The following MRPL44 variants were observed in gnomAD, a reference collection of about 807,000 sequenced individuals.
MRPL44 encodes the protein mitochondrial ribosomal protein L44.
MRPL44 carries 21 observed loss-of-function variants against 25.9 expected under a neutral mutation model. The observed-to-expected ratio is 0.81, with a 90% CI of 0.58 to 1.17. The LOEUF (loss-of-function observed/expected upper bound fraction) is 1.17. Among genes scored for constraint, MRPL44 ranks in the 50% most tolerant of loss-of-function variants. The pLI is 0.00. For missense variants in MRPL44, 410 were observed against 398.9 expected (o/e 1.03, Z -0.24); for synonymous variants, 169 against 151.0 (o/e 1.12, Z -0.87).
Position 223,962,207 on chromosome 2 carries a change from C to G in MRPL44, c.649-1549C>G, listed in dbSNP as rs117260917. Among the ~76,000 whole-genome samples the G allele has an allele frequency of 2.6e-3, 397 of 152,200 alleles. 11 individuals are homozygous for G. The East Asian group carries it at 0.044, about 17-fold the overall frequency. On this transcript the variant is annotated intron_variant, in intron 2 of 3. Transcript: ENST00000258383. ...GTCACTATGCCCAGCTAAATTTTTT[C>G]TGTAGAGCCGTGGTCTCATTATGGT...
chr2:223,961,010 T>C (rs867320545), intron 2 of MRPL44, among the ~76,000 whole-genome samples: 4 of 152,248 alleles, frequency 2.6e-5, no homozygotes, highest in African/African-American at 7.2e-5. Flanking sequence ...ATGTCTCTTA[T>C]AGTAGAATTG....
Position 223,963,855 on chromosome 2 carries a change from G to C in MRPL44, c.748G>C (p.Val250Leu), listed in dbSNP as rs569652787. The change falls in exon 3 of 4, where the codon GTT becomes CTT. Residue 250 changes from valine to leucine, a missense_variant. By Grantham distance (32) the Val-to-Leu change is conservative. Transcript: ENST00000258383. The stretch of plus-strand genomic sequence containing the variant: ...GGTAGAAGAACTGAAGAAAAGGAAT[G>C]TTTCAGCTCCTGAATCAAGACTTAC... The part of the protein sequence containing the change: ...LLVEELKKRN[V>L]SAPESRLTRQ... 6.8e-6 allele frequency: 11 copies of C among 1,613,914 alleles called. No homozygotes were observed. In the South Asian group the frequency reaches 1.2e-4, roughly 18 times the overall value.
intron 3 of MRPL44, among the ~76,000 whole-genome samples, chr2:223,964,514 G>A (rs1438465686): frequency 3.3e-5 from 5 of 152,106 alleles, no homozygotes; most frequent in East Asian, 1.9e-4. Flanking sequence ...CTTGTATCAC[G>A]AAAGACTTTA....
chr2:223,961,174 G>A (rs1293216713), intron 2 of MRPL44, among the ~76,000 whole-genome samples: 1 of 152,236 alleles, frequency 6.6e-6, no homozygotes, highest in African/African-American at 2.4e-5. Flanking sequence ...ATGTGGAAGT[G>A]CTTTCCTAGA....
chr2:223,957,492 G>C lies in MRPL44; in HGVS notation c.20G>C (p.Arg7Thr), dbSNP rs1689584219. The C allele has an allele frequency of 6.2e-7, 1 of 1,614,062 alleles. No individual in the cohort carries two copies. The highest frequency in any genetic ancestry group is 1.3e-5 in the African/African-American group (1 of 74,956). The change falls in exon 1 of 4, where the codon AGA becomes ACA. Residue 7 changes from arginine to threonine, a missense_variant. Arg to Thr is a moderately conservative substitution (Grantham distance 71). Coordinates refer to ENST00000258383, the MANE Select transcript of MRPL44 (RefSeq NM_022915.5). ...CGTGCAATGGCGTCCGGGCTGGTAAGATTGCTGCAGCAGGGACATCGCTGC... is the reference window on the plus strand; with the variant it reads ...CGTGCAATGGCGTCCGGGCTGGTAACATTGCTGCAGCAGGGACATCGCTGC... MASGLV[R>T]LLQQGHRCLL...
chr2:223,951,030 C>A, the MRPL44 span, among the ~76,000 whole-genome samples: 1 of 152,182 alleles, frequency 6.6e-6, no homozygotes, highest in Admixed American at 6.5e-5. Flanking sequence ...GAGGAGCCAA[C>A]CTCCCCCTGC....
chr2:223,957,616 G>T lies in MRPL44; in HGVS notation c.144G>T (p.Gln48His). ...AFRFQKELERQRLLRCPPPPV... is the reference protein window; with the variant it reads ...AFRFQKELERHRLLRCPPPPV... The stretch of plus-strand genomic sequence containing the variant: ...GCTTCCAGAAGGAGTTAGAGCGGCA[G>T]CGCCTTCTGCGGTGCCCGCCGCCGC... The change falls in exon 1 of 4, where the codon CAG becomes CAT. Residue 48 changes from glutamine (Q) to histidine (H), a missense_variant. Transcript: ENST00000258383. 1.2e-6 allele frequency: 2 copies of T among 1,611,240 alleles called. No individual in the cohort carries two copies. The highest frequency in any genetic ancestry group is 1.7e-6 in the Non-Finnish European group (2 of 1,179,830).
upstream of MRPL44, chr2:223,957,278 T>G (rs1344424413): frequency 1.6e-6 from 1 of 635,052 alleles, no homozygotes; most frequent in African/African-American, 1.8e-5. Context: ...AGCGCAAGCG[T>G]AGCCTCAAGG....
Position 223,963,195 on chromosome 2 carries a change from A to G in MRPL44, c.649-561A>G, listed in dbSNP as rs113918561. 1.7e-3 allele frequency among the ~76,000 whole-genome samples: 255 copies of G among 152,274 alleles called. 1 individual carries two copies. The highest frequency in any genetic ancestry group is 5.7e-3 in the African/African-American group (238 of 41,552). On this transcript the variant is annotated intron_variant, in intron 2 of 3. Coordinates refer to ENST00000258383, the MANE Select transcript of MRPL44 (RefSeq NM_022915.5). ...ACGGTGACTAATGCCTGTAATTCCA[A>G]TACTTTGAGAAGCCAAGGCAGGAGG... is the stretch of plus-strand genomic sequence containing the variant.
Position 223,962,044 on chromosome 2 carries a change from G to GT in MRPL44, c.649-1703dup, listed in dbSNP as rs555292752. 4.5e-3 allele frequency among the ~76,000 whole-genome samples: 683 copies of GT among 151,626 alleles called. 2 individuals are homozygous for GT. The highest frequency in any genetic ancestry group is 0.016 in the African/African-American group (658 of 41,324). ...AATCCCCTACTGAGAGTGGATGTAA[G>GT]TTTTTTTTTCGAGGCAGCATCTCTG... is the stretch of plus-strand genomic sequence containing the variant. On this transcript the variant is annotated intron_variant, in intron 2 of 3. Coordinates refer to ENST00000258383, the MANE Select transcript of MRPL44 (RefSeq NM_022915.5).
upstream of MRPL44, among the ~76,000 whole-genome samples, chr2:223,953,592 A>G (rs1290514748): frequency 6.6e-6 from 1 of 152,242 alleles, no homozygotes; most frequent in Non-Finnish European, 1.5e-5. Context: ...GACAGACTGA[A>G]AAAGAAGTCT....
At chr2:223,965,516 A>T (rs79987734) in intron 3 of MRPL44, among the ~76,000 whole-genome samples, 2,422 of 152,308 alleles carry the variant, frequency 0.016, 59 homozygotes, top group African/African-American at 0.054. Context: ...TTTGAATTGC[A>T]CAGATGAAAT....
intron 3 of MRPL44, 81 bp downstream of exon 3, chr2:223,964,015 T>G (rs554009207): frequency 1.8e-6 from 2 of 1,106,816 alleles, no homozygotes; most frequent in African/African-American, 1.6e-5. Flanking sequence ...AAAAACACTC[T>G]TCACATTCCA....
chr2:223,966,604 G>C (rs541438413), intron 3 of MRPL44, among the ~76,000 whole-genome samples: 37 of 152,268 alleles, frequency 2.4e-4, no homozygotes, highest in African/African-American at 8.2e-4. Context: ...TGAAAACCTA[G>C]ATACGACTTG....
At chr2:223,957,807 A>C (rs541360725) in intron 1 of MRPL44, among the ~76,000 whole-genome samples, 156 bp downstream of exon 1, 2 of 151,478 alleles carry the variant, frequency 1.3e-5, no homozygotes, top group Admixed American at 6.5e-5. Context: ...GGCCTGAGGC[A>C]AAAAAAATGG....
chr2:223,966,932 G>T lies in MRPL44; in HGVS notation c.897G>T (p.Val299=). The change falls in exon 4 of 4, where the codon GTG becomes GTT. Residue 299 remains valine (V), a synonymous_variant. Transcript: ENST00000258383. ...TTGCAGAAGAAGAGGCTGCTCGAGT[G>T]GCCCTTAGAAAACTTTATGGATTCA... The part of the protein sequence containing the change: ...VLVAEEEAAR[V]ALRKLYGFTE... 1 of 1,614,172 alleles carries T rather than the reference G, an allele frequency of 6.2e-7. No homozygotes were observed. Among genetic ancestry groups the T allele is most frequent in the Non-Finnish European group, 8.5e-7 (1 of 1,180,020 alleles).
In MRPL44 at chr2:223,959,610, G is replaced by A; in HGVS notation, c.256G>A (p.Asp86Asn). The change falls in exon 2 of 4, where the codon GAT becomes AAT. Residue 86 changes from aspartate (D) to asparagine (N), a missense_variant. Transcript: ENST00000258383. The part of the protein sequence containing the change: ...GHRLQENFSL[D>N]LLKTAFVNSC... ...TCGGTTACAGGAAAACTTTTCCTTA[G>A]ATCTTCTCAAAACTGCATTTGTTAA... is the stretch of plus-strand genomic sequence containing the variant. The A allele has an allele frequency of 1.9e-6, 3 of 1,614,170 alleles. No individual in the cohort carries two copies. The highest frequency in any genetic ancestry group is 2.5e-6 in the Non-Finnish European group (3 of 1,180,022).
upstream of MRPL44, among the ~76,000 whole-genome samples, chr2:223,955,287 C>G (rs892187707): frequency 2.8e-4 from 43 of 152,172 alleles, no homozygotes; most frequent in Non-Finnish European, 5.6e-4. Flanking sequence ...TTATCAGTAA[C>G]TCCAATTTTG....
At chr2:223,951,148 T>A in the MRPL44 span, among the ~76,000 whole-genome samples, 2 of 152,176 alleles carry the variant, frequency 1.3e-5, no homozygotes, top group Admixed American at 6.5e-5. Context: ...ATCGACTGTG[T>A]CAAATGCTGC....
Sources: gnomAD v4.1 joint callset for allele counts (sites outside exome capture counted in the v4.1 genomes callset) on GRCh38, gnomAD v4.1.1 for gene constraint, MANE v1.5 for transcripts, NCBI Gene and HGNC (gene_info 2026-07-23, HGNC 2026-07-21) for gene names.